DMD: variants seen among roughly 807,000 people sequenced by gnomAD.
The protein encoded by DMD is mutant dystrophin.
Under a neutral mutation model 330.1 loss-of-function variants are expected in DMD, and 63 were observed. The ratio of observed to expected loss-of-function variants is 0.19; its 90% CI spans 0.16 to 0.24. The LOEUF (loss-of-function observed/expected upper bound fraction) is 0.24. Among genes scored for constraint, DMD ranks in the 10% least tolerant of loss-of-function variants. The pLI is 1.00. For missense variants in DMD, 3,344 were observed against 2,684.1 expected (o/e 1.25, Z -5.43); for synonymous variants, 1,223 against 959.8 (o/e 1.27, Z -5.07).
intron 7 of DMD, among the ~76,000 whole-genome samples, chrX:32,768,947 G>T (rs2073300768): frequency 9.0e-6 from 1 of 111,623 alleles, no homozygotes. Flanking sequence ...CCCTTCATGT[G>T]GAAAGTGAAG....
intron 1 of DMD, among the ~76,000 whole-genome samples, chrX:33,307,221 G>T (rs946601442): frequency 1.8e-5 from 2 of 111,426 alleles, no homozygotes; most frequent in African/African-American, 3.3e-5. Flanking sequence ...TCTCCTTCAT[G>T]CAAAGAATTC....
At chrX:31,421,958 T>TACACAC (rs1556630473) in intron 60 of DMD, among the ~76,000 whole-genome samples, 1 of 67,840 alleles carries the variant, frequency 1.5e-5, no homozygotes, top group African/African-American at 1.0e-4. Flanking sequence ...TATATATATA[T>TACACAC]ACACATATAT....
intron 44 of DMD, chrX:32,206,246 G>A (rs2097068357): frequency 5.8e-6 from 3 of 516,119 alleles, no homozygotes; most frequent in Admixed American, 2.3e-5. Flanking sequence ...TAGCTGGGGA[G>A]GAAGATACAG....
chrX:32,349,109 T>C (rs932541156), intron 37 of DMD, among the ~76,000 whole-genome samples: 60 of 111,704 alleles, frequency 5.4e-4, no homozygotes, highest in African/African-American at 1.7e-3. Flanking sequence ...CGAATGAACC[T>C]AATATATTTC....
At chrX:31,929,263 G>A (rs960569605) in intron 47 of DMD, among the ~76,000 whole-genome samples, 1 of 111,449 alleles carries the variant, frequency 9.0e-6, no homozygotes, top group Admixed American at 9.6e-5. Context: ...ACCAGACCAC[G>A]TCCTTTCAGC....
chrX:32,381,968 T>C (rs750251712), intron 33 of DMD, among the ~76,000 whole-genome samples: 3 of 110,825 alleles, frequency 2.7e-5, no homozygotes, highest in African/African-American at 9.8e-5. Flanking sequence ...TCAACACATC[T>C]GTCAAATGGG....
At chrX:33,254,258 T>C (rs1194138303) in intron 1 of DMD, among the ~76,000 whole-genome samples, 3 of 98,672 alleles carry the variant, frequency 3.0e-5, no homozygotes, top group Non-Finnish European at 5.7e-5. Flanking sequence ...CACTGTACAG[T>C]TCTTTTTGTT....
chrX:33,305,747 C>G (rs2053752650), intron 1 of DMD, among the ~76,000 whole-genome samples: 1 of 110,886 alleles, frequency 9.0e-6, no homozygotes, highest in Admixed American at 9.6e-5. Flanking sequence ...TATAAAAAAC[C>G]TTCAGTCTCA....
intron 19 of DMD, among the ~76,000 whole-genome samples, chrX:32,493,583 A>G (rs949144509): frequency 9.0e-6 from 1 of 111,730 alleles, no homozygotes; most frequent in Non-Finnish European, 1.9e-5. Flanking sequence ...AATATTTGTT[A>G]AGCGATGCGA....
rs1783126708 is a variant in DMD, at chrX:32,406,991, C to T, written c.4233+4761G>A. Among the ~76,000 whole-genome samples, 3 of 111,644 alleles carry T rather than the reference C, an allele frequency of 2.7e-5. No individual in the cohort carries two copies. In the Admixed American group the frequency reaches 2.9e-4, roughly 11 times the overall value. Reference sequence around the variant, plus strand: ...AAATTAACTCAAGATGGATTAAAGACTTACATGTTAGACTTAAAACCATAA... The same window carrying T: ...AAATTAACTCAAGATGGATTAAAGATTTACATGTTAGACTTAAAACCATAA... On this transcript the variant is annotated intron_variant, in intron 30 of 78. Coordinates refer to ENST00000357033, the MANE Select transcript of DMD (RefSeq NM_004006.3).
chrX:32,681,996 G>A (rs922415404), intron 9 of DMD, among the ~76,000 whole-genome samples: 1 of 111,684 alleles, frequency 9.0e-6, no homozygotes. Flanking sequence ...CGTATTTGAT[G>A]CCAAGCTAGT....
At chrX:32,312,454 A>C (rs1398423118) in intron 41 of DMD, among the ~76,000 whole-genome samples, 7 of 111,475 alleles carry the variant, frequency 6.3e-5, no homozygotes, top group Non-Finnish European at 1.1e-4. Flanking sequence ...GATTATAGCC[A>C]GCAAGAAACT....
At chrX:31,703,530 AT>A (rs1286092303) in intron 52 of DMD, among the ~76,000 whole-genome samples, 1 of 112,247 alleles carries the variant, frequency 8.9e-6, no homozygotes, top group Non-Finnish European at 1.9e-5. Context: ...TTTACGTGCC[AT>A]TCCATGCTAC....
chrX:31,556,383 A>G (rs930586450), intron 55 of DMD, among the ~76,000 whole-genome samples: 5 of 106,417 alleles, frequency 4.7e-5, no homozygotes, highest in Non-Finnish European at 9.7e-5. Flanking sequence ...AAAAAAAAAG[A>G]AAAAAAAATA....
At chrX:31,716,503 A>T (rs1015141956) in intron 52 of DMD, among the ~76,000 whole-genome samples, 1 of 111,556 alleles carries the variant, frequency 9.0e-6, no homozygotes, top group South Asian at 3.7e-4. Flanking sequence ...GTGAGCCAAG[A>T]TCGCACCATT....
At chrX:33,013,206 A>T (rs771450176) in intron 2 of DMD, among the ~76,000 whole-genome samples, 16 of 111,060 alleles carry the variant, frequency 1.4e-4, no homozygotes, top group African/African-American at 4.9e-4. Flanking sequence ...TACTGTGAGC[A>T]AGCCACATAA....
chrX:31,665,914 T>C (rs1451890365), intron 53 of DMD, among the ~76,000 whole-genome samples: 1 of 112,181 alleles, frequency 8.9e-6, no homozygotes, highest in East Asian at 2.8e-4. Context: ...AGGAGAGGTC[T>C]CCAAGTGCTT....
intron 1 of DMD, among the ~76,000 whole-genome samples, chrX:33,195,732 T>TTGTGTG (rs71969580): frequency 0.1 from 9,857 of 97,199 alleles, 542 homozygotes; most frequent in East Asian, 0.4. Flanking sequence ...CTGTTCTATT[T>TTGTGTG]TGTGTGTGTG....
intron 47 of DMD, among the ~76,000 whole-genome samples, chrX:31,884,658 A>T (rs187156285): frequency 1.8e-5 from 2 of 112,183 alleles, no homozygotes; most frequent in African/African-American, 6.5e-5. Context: ...ACAAAAAATA[A>T]TAAGTATGTA....
Sources: allele counts gnomAD v4.1 joint callset (sites outside exome capture counted in the v4.1 genomes callset), GRCh38; gene constraint gnomAD v4.1.1; transcripts MANE v1.5; gene names NCBI Gene and HGNC (gene_info 2026-07-23, HGNC 2026-07-21).